Variants in OR7G2 observed in about 807,000 individuals in gnomAD.
OR7G2 encodes olfactory receptor family 7 subfamily G member 2.
For synonymous variants in OR7G2, 153 were observed against 152.2 expected, an observed-to-expected ratio of 1.01 and a Z score of -0.04; for missense variants, 362 against 384.0, an observed-to-expected ratio of 0.94 and a Z score of 0.48.
At chr19:9,103,531 G>A (rs942591003) in intron 1 of OR7G2, among the ~76,000 whole-genome samples, 6 of 139,546 alleles carry the variant, frequency 4.3e-5, no homozygotes, top group Admixed American at 2.3e-4. Flanking sequence ...TTTTGAGACA[G>A]GGTCTCACTC....
Position 9,102,307 on chromosome 19 carries a change from A to G in OR7G2, c.937T>C (p.Trp313Arg), listed in dbSNP as rs1342504544. The G allele has an allele frequency of 6.2e-6, 10 of 1,613,146 alleles. No homozygotes were observed. The East Asian group carries it at 2.0e-4, about 32-fold the overall frequency. ...CTGAATCCAAAGCAAATGGCACACC[A>G]CAGAAGAGAAGGTATCCTCCCTATG... ...KFIGRIPSLL[W>R]CAICFGFRFL... Residue 313 changes from tryptophan to arginine, a missense_variant, in exon 2 of 2, where the codon TGG becomes CGG. Transcript: ENST00000641081.
chr19:9,102,335 C>T lies in OR7G2; in HGVS notation c.909G>A (p.Lys303=). 6.2e-7 allele frequency: 1 copy of T among 1,614,094 alleles called. No individual in the cohort carries two copies. Among genetic ancestry groups the T allele is most frequent in the Non-Finnish European group, 8.5e-7 (1 of 1,179,964 alleles). Residue 303 remains lysine, a synonymous_variant, in exon 2 of 2, where the codon AAG becomes AAA. Coordinates refer to ENST00000641081, the MANE Select transcript of OR7G2 (RefSeq NM_001005193.2). ...RNKDMKGTLR[K]FIGRIPSLLW... ...GAAGAGAAGGTATCCTCCCTATGAACTTCCTCAAGGTTCCTTTCATGTCCT... is the reference window on the plus strand; with the variant it reads ...GAAGAGAAGGTATCCTCCCTATGAATTTCCTCAAGGTTCCTTTCATGTCCT...
intron 1 of OR7G2, among the ~76,000 whole-genome samples, chr19:9,104,236 C>T (rs1439516702): frequency 6.6e-6 from 1 of 152,036 alleles, no homozygotes; most frequent in Non-Finnish European, 1.5e-5. Flanking sequence ...TTCCCTTACC[C>T]ATGGCAGACA....
intron 1 of OR7G2, 70 bp from the exon 2 acceptor site, chr19:9,103,329 G>A (rs372193971): frequency 1.3e-5 from 19 of 1,516,592 alleles, no homozygotes; most frequent in East Asian, 9.1e-5. Flanking sequence ...TGACAGAAAC[G>A]CAAAATCTTG....
At chr19:9,103,501 CTTTTTTTTTTT>C (rs201971532) in intron 1 of OR7G2, among the ~76,000 whole-genome samples, 1 of 119,054 alleles carries the variant, frequency 8.4e-6, no homozygotes, top group Non-Finnish European at 1.7e-5. Context: ...ATGTGGAAAT[CTTTTTTTTTTT>C]TTTTTTTTTT....
At chr19:9,104,423 A>T (rs556585361) in intron 1 of OR7G2, among the ~76,000 whole-genome samples, 1 of 152,254 alleles carries the variant, frequency 6.6e-6, no homozygotes, top group South Asian at 2.1e-4. Flanking sequence ...CCAATTTTCA[A>T]TGTTACCCAA....
Position 9,102,714 on chromosome 19 carries a change from A to T in OR7G2, c.530T>A (p.Phe177Tyr), listed in dbSNP as rs2050361798. The T allele has an allele frequency of 6.2e-7, 1 of 1,614,060 alleles. No individual in the cohort carries two copies. The highest frequency in any genetic ancestry group is 8.5e-7 in the Non-Finnish European group (1 of 1,180,046). Residue 177 changes from phenylalanine (F) to tyrosine (Y), a missense_variant, in exon 2 of 2, where the codon TTC becomes TAC. Phe to Tyr is a conservative substitution (Grantham distance 22). Transcript: ENST00000641081. ...SFCTDLEIPL[F>Y]FCELAQVIQL... The stretch of plus-strand genomic sequence containing the variant: ...GATGACCTGAGCCAGTTCACAGAAG[A>T]AGAGCGGGATTTCCAGGTCTGTGCA...
intron 1 of OR7G2, 53 bp from the exon 2 acceptor site, chr19:9,103,312 G>A (rs775938431): frequency 9.4e-6 from 15 of 1,601,196 alleles, no homozygotes; most frequent in Middle Eastern, 1.7e-4. Flanking sequence ...GGCATCACTC[G>A]AGAACATGAC....
intron 1 of OR7G2, among the ~76,000 whole-genome samples, chr19:9,106,424 CAAAA>C (rs34261571): frequency 8.4e-6 from 1 of 119,264 alleles, no homozygotes. Context: ...GACTGTGTCT[CAAAA>C]AAAAAAAAAA....
chr19:9,103,125 A>G lies in OR7G2; in HGVS notation c.119T>C (p.Leu40Pro). 3 of 1,614,184 alleles carry G rather than the reference A, an allele frequency of 1.9e-6. No homozygotes were observed. Among genetic ancestry groups the G allele is most frequent in the Non-Finnish European group, 2.5e-6 (3 of 1,180,036 alleles). Reference sequence around the variant, plus strand: ...AGCCAAGAGGATGAGCAGGTTCCCCAGGATGGTGACCAAGTACATGGACAG... The same window carrying G: ...AGCCAAGAGGATGAGCAGGTTCCCCGGGATGGTGACCAAGTACATGGACAG... The part of the protein sequence containing the change: ...LFLSMYLVTI[L>P]GNLLILLAVI... Residue 40 changes from leucine to proline, a missense_variant, in exon 2 of 2, where the codon CTG becomes CCG. Transcript: ENST00000641081.
intron 1 of OR7G2, among the ~76,000 whole-genome samples, chr19:9,104,047 A>AT (rs1017639735): frequency 8.2e-5 from 12 of 147,044 alleles, no homozygotes; most frequent in Admixed American, 1.4e-4. Flanking sequence ...TTAAAAAAAA[A>AT]TTTTTTTTTT....
chr19:9,102,222 A>T lies in OR7G2; in HGVS notation c.*47T>A. The T allele has an allele frequency of 6.6e-7, 1 of 1,509,160 alleles. No homozygotes were observed. The highest frequency in any genetic ancestry group is 8.9e-7 in the Non-Finnish European group (1 of 1,121,126). The allele number at this position is 1,509,160 out of a possible 1,614,324, so 93.5% of individuals were successfully genotyped here. ...ATCTCAGAGAAAAAAACAAAACAAA[A>T]CAAAGAGTCAGGCATTCTAGCTCAC... On this transcript the variant is annotated 3_prime_UTR_variant, in exon 2 of 2. Transcript: ENST00000641081.
At chr19:9,104,547 G>A (rs1194820752) in intron 1 of OR7G2, among the ~76,000 whole-genome samples, 1 of 152,002 alleles carries the variant, frequency 6.6e-6, no homozygotes, top group East Asian at 1.9e-4. Context: ...AAAATTCTTG[G>A]TGGGGCGTGG....
rs778063853 is a variant in OR7G2, at chr19:9,102,713, G to A, written c.531C>T (p.Phe177=). ...GGATGACCTGAGCCAGTTCACAGAA[G>A]AAGAGCGGGATTTCCAGGTCTGTGC... is the stretch of plus-strand genomic sequence containing the variant. ...SFCTDLEIPL[F]FCELAQVIQL... Residue 177 remains phenylalanine (F), a synonymous_variant, in exon 2 of 2, where the codon TTC becomes TTT. Coordinates refer to ENST00000641081, the MANE Select transcript of OR7G2 (RefSeq NM_001005193.2). 1.2e-5 allele frequency: 19 copies of A among 1,614,082 alleles called. No homozygotes were observed. Among genetic ancestry groups the A allele is most frequent in the Non-Finnish European group, 1.5e-5 (18 of 1,180,048 alleles).
In OR7G2 at chr19:9,102,452, A is replaced by G. The variant is rs2050359718; in HGVS notation, c.792T>C (p.Val264=). 1.2e-6 allele frequency: 2 copies of G among 1,613,920 alleles called. No individual in the cohort carries two copies. Among genetic ancestry groups the G allele is most frequent in the Non-Finnish European group, 1.7e-6 (2 of 1,179,910 alleles). The change falls in exon 2 of 2, where the codon GTT becomes GTC. Residue 264 remains valine (V), a synonymous_variant. Coordinates refer to ENST00000641081, the MANE Select transcript of OR7G2 (RefSeq NM_001005193.2). ...CTGCAGTCTTCCTAGGTGAGTCAGT[A>G]ACCACAGAACTAATGTACACCCCCA... ...AGLGVYISSV[V]TDSPRKTAVA...
At chr19:9,104,553 C>T (rs886480773) in intron 1 of OR7G2, among the ~76,000 whole-genome samples, 1 of 151,850 alleles carries the variant, frequency 6.6e-6, no homozygotes, top group Non-Finnish European at 1.5e-5. Context: ...CTTGGTGGGG[C>T]GTGGTGGCTC....
In OR7G2 at chr19:9,102,965, C is replaced by T. The variant is rs768345758; in HGVS notation, c.279G>A (p.Thr93=). 24 of 1,613,998 alleles carry T rather than the reference C, an allele frequency of 1.5e-5. No individual in the cohort carries two copies. Among genetic ancestry groups the T allele is most frequent in the African/African-American group, 4.0e-5 (3 of 74,920 alleles). Residue 93 remains threonine (T), a synonymous_variant, in exon 2 of 2, where the codon ACG becomes ACA. Coordinates refer to ENST00000641081, the MANE Select transcript of OR7G2 (RefSeq NM_001005193.2). ...VNIQAQNRSI[T]YSGCLTQICF... is the part of the protein sequence containing the mutation. ...AGATCTGGGTGAGGCAGCCTGAGTA[C>T]GTGATGCTCCGATTCTGAGCTTGGA...
chr19:9,102,505 T>G lies in OR7G2; in HGVS notation c.739A>C (p.Ile247Leu). The G allele has an allele frequency of 1.2e-6, 2 of 1,613,978 alleles. No homozygotes were observed. The highest frequency in any genetic ancestry group is 1.7e-6 in the Non-Finnish European group (2 of 1,179,992). The change falls in exon 2 of 2, where the codon ATT (isoleucine) becomes CTT (leucine). Residue 247 changes from isoleucine (I) to leucine (L), a missense_variant. Transcript: ENST00000641081. ...CCTGCCCCATAGAACAAGAGAACAA[T>G]GGAGAGGTGAGACCCACAGGTGGAA... Reference protein sequence around the residue: ...AVSTCGSHLSIVLLFYGAGLG... With the variant: ...AVSTCGSHLSLVLLFYGAGLG...
At chr19:9,105,664 T>A (rs1281172292) in intron 1 of OR7G2, among the ~76,000 whole-genome samples, 1 of 151,974 alleles carries the variant, frequency 6.6e-6, no homozygotes, top group African/African-American at 2.4e-5. Flanking sequence ...CTAGCCAACA[T>A]GGTGAAACCC....
Sources: allele counts gnomAD v4.1 joint callset (sites outside exome capture counted in the v4.1 genomes callset), GRCh38; gene constraint gnomAD v4.1.1; transcripts MANE v1.5; gene names NCBI Gene and HGNC (gene_info 2026-07-23, HGNC 2026-07-21).